Variants in DAP observed in about 807,000 individuals in gnomAD.
DAP encodes the protein death-associated protein 1.
DAP carries 8 observed loss-of-function variants against 13.8 expected under a neutral mutation model. The observed-to-expected ratio is 0.58, with a 90% confidence interval of 0.34 to 1.05. The LOEUF is 1.05. Among genes scored for constraint, DAP ranks in the 50% least tolerant of loss-of-function variants. DAP has a pLI of 0.03. For missense variants in DAP, 106 were observed against 133.2 expected (o/e 0.80, Z 1.01); for synonymous variants, 47 against 47.5 (o/e 0.99, Z 0.04).
At chr5:10,715,035 A>T (rs1738947200) in intron 2 of DAP, among the ~76,000 whole-genome samples, 1 of 152,150 alleles carries the variant, frequency 6.6e-6, no homozygotes, top group Non-Finnish European at 1.5e-5. Flanking sequence ...GCAAAAATGG[A>T]CTAACACATA....
chr5:10,687,116 T>TGCTTA (rs1377364894), intron 2 of DAP, among the ~76,000 whole-genome samples: 1 of 152,246 alleles, frequency 6.6e-6, no homozygotes, highest in African/African-American at 2.4e-5. Flanking sequence ...CAAGGTTTAC[T>TGCTTA]GCTTATTTTA....
At chr5:10,699,659 C>G (rs3756405) in intron 2 of DAP, among the ~76,000 whole-genome samples, 9,774 of 152,258 alleles carry the variant, frequency 0.064, 484 homozygotes, top group East Asian at 0.2. Context: ...GAGAATTCCC[C>G]CAGAGCTATT....
intron 2 of DAP, among the ~76,000 whole-genome samples, chr5:10,742,168 C>T (rs1739774009): frequency 6.6e-6 from 1 of 152,216 alleles, no homozygotes; most frequent in Non-Finnish European, 1.5e-5. Flanking sequence ...GCTATCCGTT[C>T]TCCTGGCTTG....
chr5:10,730,868 C>A, intron 2 of DAP, among the ~76,000 whole-genome samples: 1 of 92,724 alleles, frequency 1.1e-5, no homozygotes, highest in African/African-American at 4.6e-5. Context: ...ACTGAGAGCC[C>A]TGGTGGGGGG....
intron 2 of DAP, among the ~76,000 whole-genome samples, chr5:10,725,762 C>G (rs924863852): frequency 6.6e-6 from 1 of 152,188 alleles, no homozygotes; most frequent in Non-Finnish European, 1.5e-5. Context: ...AAACGGTGGG[C>G]AGGAGACTGG....
intron 2 of DAP, among the ~76,000 whole-genome samples, chr5:10,730,577 TCA>T (rs1739426013): frequency 8.9e-6 from 1 of 112,182 alleles, no homozygotes; most frequent in Non-Finnish European, 1.8e-5. Context: ...AGAGCCCGGG[TCA>T]GGGGGAATCT....
At chr5:10,689,297 C>CTG (rs1000362807) in intron 2 of DAP, among the ~76,000 whole-genome samples, 55 of 152,204 alleles carry the variant, frequency 3.6e-4, no homozygotes, top group African/African-American at 1.3e-3. Context: ...GCTCAAGACA[C>CTG]TGTCCCATCG....
intron 1 of DAP, 75 bp from the exon 2 acceptor site, chr5:10,748,346 G>A (rs1739964261): frequency 4.0e-6 from 5 of 1,253,018 alleles, no homozygotes; most frequent in Non-Finnish European, 5.9e-6. Flanking sequence ...CAGCTGGAAA[G>A]GTTCTGGTTG....
intron 2 of DAP, among the ~76,000 whole-genome samples, chr5:10,723,292 G>A (rs995236574): frequency 6.6e-6 from 1 of 152,120 alleles, no homozygotes; most frequent in African/African-American, 2.4e-5. Flanking sequence ...AAAAACCATG[G>A]CAATTAATTC....
intron 2 of DAP, among the ~76,000 whole-genome samples, chr5:10,743,107 A>C (rs557822802): frequency 1.3e-5 from 2 of 152,360 alleles, no homozygotes; most frequent in East Asian, 3.9e-4. Context: ...TATTCACATA[A>C]GGCAATTTCA....
At chr5:10,702,314 T>C (rs1046420987) in intron 2 of DAP, among the ~76,000 whole-genome samples, 1 of 152,238 alleles carries the variant, frequency 6.6e-6, no homozygotes, top group African/African-American at 2.4e-5. Flanking sequence ...CTGGAACTGT[T>C]TGTTGCTCAT....
chr5:10,710,192 T>A (rs1041784067), intron 2 of DAP, among the ~76,000 whole-genome samples: 6 of 152,040 alleles, frequency 3.9e-5, no homozygotes, highest in Admixed American at 3.9e-4. Context: ...CAGGGAGAGG[T>A]GGCTAGGGCC....
Position 10,720,460 on chromosome 5 carries a change from G to C in DAP, c.152+27715C>G, listed in dbSNP as rs543322366. ...GTGAAGATATTTGTATCCCCTGTGA[G>C]TGCTCACCAATGGGTGACCTCAGCA... On this transcript the variant is annotated intron_variant, in intron 2 of 3. Coordinates refer to ENST00000230895, the MANE Select transcript of DAP (RefSeq NM_004394.3). Among the ~76,000 whole-genome samples, 3 of 152,344 alleles carry C rather than the reference G, an allele frequency of 2.0e-5. No individual in the cohort carries two copies. The South Asian group carries it at 6.2e-4, about 32-fold the overall frequency.
rs1477579641 is a variant in DAP, at chr5:10,680,311, A to G, written c.*745T>C. On this transcript the variant is annotated 3_prime_UTR_variant, in exon 4 of 4. Transcript: ENST00000230895. The stretch of plus-strand genomic sequence containing the variant: ...GAAGTGGCTCAGGAGGTGACTCCTG[A>G]AAGGCAGCCCTTGCTTGATCTCCTG... 5.0e-6 allele frequency: 1 copy of G among 198,638 alleles called. No individual in the cohort carries two copies. Among genetic ancestry groups the G allele is most frequent in the Non-Finnish European group, 1.0e-5 (1 of 97,308 alleles). 12.3% of individuals were successfully genotyped at this position (198,638 alleles called of 1,614,324 possible).
intron 2 of DAP, among the ~76,000 whole-genome samples, chr5:10,684,022 C>A (rs1738097809): frequency 6.6e-6 from 1 of 152,170 alleles, no homozygotes; most frequent in Admixed American, 6.5e-5. Context: ...CAGGGTCTTG[C>A]TATGTTGCCC....
intron 1 of DAP, among the ~76,000 whole-genome samples, chr5:10,753,092 T>C (rs936045213): frequency 1.3e-5 from 2 of 152,166 alleles, no homozygotes; most frequent in Non-Finnish European, 2.9e-5. Context: ...ACCTCCGTCA[T>C]TACATCACCA....
At chr5:10,693,125 C>CA (rs1491541819) in intron 2 of DAP, among the ~76,000 whole-genome samples, 1 of 280 alleles carries the variant, frequency 3.6e-3, no homozygotes, top group Admixed American at 0.011. Flanking sequence ...CATGCACACG[C>CA]ACACACACAC....
At chr5:10,742,063 G>T (rs542349084) in intron 2 of DAP, among the ~76,000 whole-genome samples, 43 of 152,276 alleles carry the variant, frequency 2.8e-4, no homozygotes, top group Middle Eastern at 3.4e-3. Flanking sequence ...AGTGGATCTT[G>T]TCTATAACAA....
At chr5:10,709,596 C>T (rs925279588) in intron 2 of DAP, among the ~76,000 whole-genome samples, 4 of 152,184 alleles carry the variant, frequency 2.6e-5, no homozygotes, top group Middle Eastern at 3.2e-3. Context: ...TGGCTTTCTC[C>T]GAGGCATGGT....
Sources: gnomAD v4.1 joint callset for allele counts (sites outside exome capture counted in the v4.1 genomes callset) on GRCh38, gnomAD v4.1.1 for gene constraint, MANE v1.5 for transcripts, NCBI Gene and HGNC (gene_info 2026-07-23, HGNC 2026-07-21) for gene names.